Variants in GPR89B observed in about 807,000 individuals in gnomAD.
GPR89B encodes the protein G protein-coupled receptor 89B.
In GPR89B, 25 loss-of-function variants were observed where a neutral mutation model predicts 52.4. The ratio of observed to expected loss-of-function variants is 0.48; its 90% CI spans 0.35 to 0.67. GPR89B has a LOEUF of 0.67. Ranked by LOEUF, GPR89B falls within the 30% of genes least tolerant of loss-of-function variation. GPR89B has a pLI of 0.01. For synonymous variants in GPR89B, 52 were observed against 151.2 expected, an observed-to-expected ratio of 0.34 and a Z score of 4.81; for missense variants, 146 against 450.2, an observed-to-expected ratio of 0.32 and a Z score of 6.11.
intron 5 of GPR89B, among the ~76,000 whole-genome samples, chr1:147,949,512 T>G (rs1571250329): frequency 1.8e-5 from 2 of 112,388 alleles, no homozygotes; most frequent in East Asian, 3.0e-4. Context: ...CACTTCCCAG[T>G]AGGGGCGGCC....
chr1:147,970,491 A>ATCTCTCTCTCTCTCTCCCTCCCTC (rs1558058762), intron 10 of GPR89B, among the ~76,000 whole-genome samples: 343 of 105,660 alleles, frequency 3.2e-3, no homozygotes, highest in Middle Eastern at 5.9e-3. Flanking sequence ...GTGAGACTCC[A>ATCTCTCTCTCTCTCTCCCTCCCTC]TCTCTCTCTC....
At chr1:147,936,204 G>T (rs2149036344) in intron 1 of GPR89B, among the ~76,000 whole-genome samples, 1 of 152,288 alleles carries the variant, frequency 6.6e-6, no homozygotes, top group Middle Eastern at 3.4e-3. Flanking sequence ...TAGAGACGGT[G>T]CTTTGCCATG....
the GPR89B span, among the ~76,000 whole-genome samples, chr1:148,012,995 GA>G: frequency 6.6e-6 from 1 of 152,044 alleles, no homozygotes; most frequent in African/African-American, 2.4e-5. Context: ...TTCGGACAAT[GA>G]AAAATGCAGC....
intron 5 of GPR89B, among the ~76,000 whole-genome samples, chr1:147,951,839 A>G (rs1235202156): frequency 2.6e-5 from 4 of 151,934 alleles, no homozygotes; most frequent in Admixed American, 6.6e-5. Context: ...AGAGAAGATC[A>G]GAAGCACAAG....
At chr1:148,009,252 A>T in the GPR89B span, 1 of 1,477,826 alleles carries the variant, frequency 6.8e-7, no homozygotes, top group Non-Finnish European at 9.3e-7. Flanking sequence ...AGTCAGTCGA[A>T]GAAAAGTCAT....
intron 12 of GPR89B, among the ~76,000 whole-genome samples, chr1:147,990,096 G>C (rs1290480934): frequency 3.9e-4 from 59 of 152,164 alleles, no homozygotes; most frequent in Admixed American, 1.5e-3. Context: ...TAAAAGTGTT[G>C]CTATTTCTCC....
chr1:147,962,758 T>C (rs1571279036), intron 7 of GPR89B, among the ~76,000 whole-genome samples: 1 of 151,084 alleles, frequency 6.6e-6, no homozygotes, highest in Non-Finnish European at 1.5e-5. Context: ...ATTAGCCCGG[T>C]GTGGTGGCGG....
intron 1 of GPR89B, among the ~76,000 whole-genome samples, chr1:147,933,903 T>A (rs1338082471): frequency 6.6e-6 from 1 of 152,102 alleles, no homozygotes; most frequent in Non-Finnish European, 1.5e-5. Context: ...GCCATTTCCC[T>A]GCTTAAATAA....
intron 11 of GPR89B, among the ~76,000 whole-genome samples, chr1:147,986,538 A>T (rs1658683059): frequency 6.6e-6 from 1 of 152,136 alleles, no homozygotes; most frequent in Non-Finnish European, 1.5e-5. Context: ...GATACTTAAT[A>T]TTGTCACGGA....
At chr1:148,005,640 C>G in the GPR89B span, 1 of 1,044,130 alleles carries the variant, frequency 9.6e-7, no homozygotes, top group Non-Finnish European at 1.4e-6. Flanking sequence ...ATTTACTGTC[C>G]CTAGTCTAAG....
intron 1 of GPR89B, 150 bp from the exon 2 acceptor site, chr1:147,936,477 A>G: frequency 3.1e-6 from 2 of 649,570 alleles, no homozygotes; most frequent in Non-Finnish European, 5.5e-6. Context: ...CATGAGCTTT[A>G]ATAAGTAGGT....
chr1:148,022,988 T>C, the GPR89B span, among the ~76,000 whole-genome samples: 11 of 152,068 alleles, frequency 7.2e-5, no homozygotes, highest in African/African-American at 2.7e-4. Flanking sequence ...CAGTTTTTTG[T>C]TGTGTACCAA....
At chr1:147,988,829 C>T (rs1212426721) in intron 12 of GPR89B, among the ~76,000 whole-genome samples, 1 of 151,486 alleles carries the variant, frequency 6.6e-6, no homozygotes, top group Non-Finnish European at 1.5e-5. Context: ...ACACACTGCA[C>T]TCCAGCCTGG....
At chr1:147,937,927 G>T (rs1449628342) in intron 2 of GPR89B, among the ~76,000 whole-genome samples, 13 of 152,120 alleles carry the variant, frequency 8.5e-5, no homozygotes, top group Admixed American at 7.9e-4. Flanking sequence ...GTATTAATTT[G>T]GGGAACTAAT....
chr1:148,013,345 C>T, the GPR89B span, among the ~76,000 whole-genome samples: 3 of 152,154 alleles, frequency 2.0e-5, no homozygotes. Flanking sequence ...CGCCTTCTTC[C>T]AGGAAGACGC....
downstream of GPR89B, among the ~76,000 whole-genome samples, chr1:147,997,331 T>C (rs1426412962): frequency 1.3e-5 from 2 of 152,150 alleles, no homozygotes; most frequent in Non-Finnish European, 2.9e-5. Context: ...CAGAGGGGAT[T>C]AGCATGCGAG....
intron 11 of GPR89B, among the ~76,000 whole-genome samples, chr1:147,987,946 A>G (rs1237373403): frequency 1.3e-5 from 2 of 152,124 alleles, no homozygotes; most frequent in African/African-American, 4.8e-5. Flanking sequence ...ATAGATAGAA[A>G]ATAATCAAGG....
At chr1:147,935,967 T>G (rs1440968972) in intron 1 of GPR89B, among the ~76,000 whole-genome samples, 1 of 152,220 alleles carries the variant, frequency 6.6e-6, no homozygotes, top group Non-Finnish European at 1.5e-5. Flanking sequence ...AGTATTATTT[T>G]TAAATACTTG....
intron 1 of GPR89B, among the ~76,000 whole-genome samples, chr1:147,930,232 C>T (rs1473204689): frequency 6.6e-6 from 1 of 152,134 alleles, no homozygotes; most frequent in African/African-American, 2.4e-5. Context: ...CCCAAAGATT[C>T]CTTTGCATGG....
Sources: gnomAD v4.1 joint callset for allele counts (sites outside exome capture counted in the v4.1 genomes callset) on GRCh38, gnomAD v4.1.1 for gene constraint, MANE v1.5 for transcripts, NCBI Gene and HGNC (gene_info 2026-07-23, HGNC 2026-07-21) for gene names.